Variants in PCDHGB1 observed in about 807,000 individuals in gnomAD.
The protein encoded by PCDHGB1 is protocadherin gamma-B1.
PCDHGB1 carries 34 observed loss-of-function variants against 56.6 expected under a neutral mutation model. The ratio of observed to expected loss-of-function variants is 0.60; its 90% CI spans 0.46 to 0.80. PCDHGB1 has a LOEUF of 0.80. Among genes scored for constraint, PCDHGB1 ranks in the 30% least tolerant of loss-of-function variants. The pLI, the probability that PCDHGB1 is intolerant of heterozygous loss-of-function variation, is 0.00. For synonymous variants in PCDHGB1, 561 were observed against 505.9 expected (o/e 1.11, Z -1.46); for missense variants, 1,278 against 1,204.6 (o/e 1.06, Z -0.90).
chr5:141,428,459 A>C, intron 1 of PCDHGB1: 2 of 350,154 alleles, frequency 5.7e-6, no homozygotes, highest in Non-Finnish European at 5.5e-6. Context: ...CCCAACTACA[A>C]TGAGGGAACT....
rs1758807882 is a variant in PCDHGB1 at position 141,351,755 on chromosome 5, T to C, written c.1495T>C (p.Ser499Pro). 1 of 1,613,480 alleles carries C rather than the reference T, an allele frequency of 6.2e-7. No homozygotes were observed. Among genetic ancestry groups the C allele is most frequent in the Admixed American group, 1.7e-5 (1 of 60,016 alleles). The change falls in exon 1 of 4, where the codon TCC becomes CCC. Residue 499 changes from serine to proline, a missense_variant. Physicochemically the swap from Ser to Pro is moderately conservative, Grantham distance 74. Coordinates refer to ENST00000523390, the MANE Select transcript of PCDHGB1 (RefSeq NM_018922.3). ...ASDLEPRELL[S>P]YVSVSPQSGV... The stretch of plus-strand genomic sequence containing the variant: ...TGACCTGGAGCCGCGGGAGCTGTTG[T>C]CCTACGTGTCCGTGAGCCCGCAGAG...
chr5:141,356,322 T>A, intron 1 of PCDHGB1: 5 of 1,554,272 alleles, frequency 3.2e-6, no homozygotes, highest in Non-Finnish European at 4.4e-6. Context: ...TGCATGACAG[T>A]GACTCAGGAG....
chr5:141,419,834 A>C, intron 1 of PCDHGB1: 1 of 1,614,072 alleles, frequency 6.2e-7, no homozygotes, highest in Non-Finnish European at 8.5e-7. Context: ...AGCCACTGCC[A>C]CGCTGCACCT....
chr5:141,399,660 C>T (rs988885728), intron 1 of PCDHGB1: 2 of 1,613,654 alleles, frequency 1.2e-6, no homozygotes, highest in East Asian at 2.2e-5. Context: ...GGGTGGTGTT[C>T]GCGCAGCGCG....
chr5:141,467,878 C>T (rs937986234), intron 1 of PCDHGB1, among the ~76,000 whole-genome samples: 8 of 151,998 alleles, frequency 5.3e-5, no homozygotes, highest in Non-Finnish European at 7.4e-5. Flanking sequence ...AGGCTGGTCT[C>T]AAACTCCTGA....
intron 1 of PCDHGB1, chr5:141,410,497 T>TG (rs1192894414): frequency 6.2e-7 from 1 of 1,613,998 alleles, no homozygotes; most frequent in South Asian, 1.1e-5. Flanking sequence ...AAGAGTTTAA[T>TG]TTCCTAAAAT....
Position 141,477,197 on chromosome 5 carries a change from G to C in PCDHGB1, c.2410-17610G>C, listed in dbSNP as rs781504885. 6.2e-7 allele frequency: 1 copy of C among 1,614,210 alleles called. No homozygotes were observed. Among genetic ancestry groups the C allele is most frequent in the South Asian group, 1.1e-5 (1 of 91,082 alleles). On this transcript the variant is annotated intron_variant, in intron 1 of 3. Transcript: ENST00000523390. The surrounding 1 kb of genome is among the most constrained non-coding windows in gnomAD (Gnocchi z 4.9). ...CACAGTCACCTCCGTGTACAGCCCA[G>C]TACCCGAGGATGCCCCTCTGGGGAC...
intron 1 of PCDHGB1, chr5:141,364,874 G>A (rs368317740): frequency 6.2e-6 from 10 of 1,613,884 alleles, no homozygotes; most frequent in Non-Finnish European, 8.5e-6. Flanking sequence ...CTCTCTGGAT[G>A]TGGTAAGCGG....
At chr5:141,369,308 G>A (rs1356330525) in intron 1 of PCDHGB1, among the ~76,000 whole-genome samples, 2 of 152,074 alleles carry the variant, frequency 1.3e-5, no homozygotes, top group African/African-American at 4.8e-5. Flanking sequence ...TCATTGTTAG[G>A]CTACTTGAGA....
chr5:141,500,680 T>C (rs999167635), intron 2 of PCDHGB1, among the ~76,000 whole-genome samples: 7 of 152,224 alleles, frequency 4.6e-5, no homozygotes, highest in Non-Finnish European at 7.3e-5. Context: ...AACAGAATTA[T>C]AGCTTTTTTC....
chr5:141,385,411 G>A, intron 1 of PCDHGB1: 1 of 1,474,668 alleles, frequency 6.8e-7, no homozygotes, highest in East Asian at 2.4e-5. Context: ...TTTGAAAATA[G>A]GGATTTAAAA....
intron 1 of PCDHGB1, chr5:141,372,361 C>T (rs1227917364): frequency 1.2e-6 from 2 of 1,613,834 alleles, no homozygotes; most frequent in Admixed American, 3.3e-5. Flanking sequence ...CCTCTTTCAG[C>T]CACCGTCATG....
intron 1 of PCDHGB1, chr5:141,361,193 C>G (rs1588559519): frequency 6.2e-7 from 1 of 1,613,962 alleles, no homozygotes; most frequent in East Asian, 2.2e-5. Context: ...ACTTCAGTAT[C>G]TACTCCCCTA....
intron 1 of PCDHGB1, among the ~76,000 whole-genome samples, chr5:141,483,755 G>A (rs2099586573): frequency 6.6e-6 from 1 of 152,130 alleles, no homozygotes. Flanking sequence ...TGAGGATCGA[G>A]GCTTGGAAAA....
intron 1 of PCDHGB1, chr5:141,372,722 A>C: frequency 6.2e-7 from 1 of 1,613,930 alleles, no homozygotes; most frequent in Non-Finnish European, 8.5e-7. Context: ...AAAATGCTGC[A>C]CCACAAGATC....
At chr5:141,419,253 A>G in intron 1 of PCDHGB1, 4 of 1,613,990 alleles carry the variant, frequency 2.5e-6, no homozygotes, top group South Asian at 1.1e-5. Flanking sequence ...CCAGAAAACA[A>G]CCAGCCGGGT....
At chr5:141,428,154 T>G (rs760002801) in intron 1 of PCDHGB1, 29 of 1,578,806 alleles carry the variant, frequency 1.8e-5, no homozygotes, top group African/African-American at 1.3e-5. Flanking sequence ...CACGGGAACC[T>G]GCTGGTTGCT....
chr5:141,394,891 TCGTGGTGGCAGTGG>T (rs1346277751), intron 1 of PCDHGB1: 11 of 1,613,892 alleles, frequency 6.8e-6, no homozygotes, highest in Non-Finnish European at 9.3e-6. Flanking sequence ...ACACTCTATC[TCGTGGTGGCAGTGG>T]CTGCCATCTC....
chr5:141,380,612 A>G (rs1163500028), intron 1 of PCDHGB1, among the ~76,000 whole-genome samples: 1 of 152,204 alleles, frequency 6.6e-6, no homozygotes, highest in African/African-American at 2.4e-5. Context: ...TAATTTTATG[A>G]TGTTCGATAA....
Sources: allele counts gnomAD v4.1 joint callset (sites outside exome capture counted in the v4.1 genomes callset), GRCh38; gene constraint gnomAD v4.1.1; non-coding constraint Gnocchi (gnomAD v3.1); transcripts MANE v1.5; gene names NCBI Gene and HGNC (gene_info 2026-07-23, HGNC 2026-07-21).